CSMD1: variants seen among roughly 807,000 people sequenced by gnomAD.
CSMD1 encodes the protein CUB and Sushi multiple domains 1, also known as CUB and sushi domain-containing protein 1.
In CSMD1, 213 loss-of-function variants were observed where a neutral mutation model predicts 417.5. The ratio of observed to expected loss-of-function variants is 0.51; its 90% confidence interval spans 0.46 to 0.57. CSMD1 has a LOEUF of 0.57. Among genes scored for constraint, CSMD1 ranks in the 20% least tolerant of loss-of-function variants. The pLI is 0.00. For synonymous variants in CSMD1, 2,862 were observed against 1,736.8 expected, an observed-to-expected ratio of 1.65 and a Z score of -16.11; for missense variants, 6,923 against 4,529.7, an observed-to-expected ratio of 1.53 and a Z score of -15.17.
rs761521736 is a variant in CSMD1, at chr8:4,106,528, A to G, written c.416-74429T>C. 1.1e-4 allele frequency among the ~76,000 whole-genome samples: 16 copies of G among 152,286 alleles called. 1 individual carries two copies. The highest frequency in any genetic ancestry group is 3.4e-3 in the Middle Eastern group (1 of 294). On this transcript the variant is annotated intron_variant, in intron 3 of 69. Transcript: ENST00000635120. ...AAACAGAATGAGAGCCTCCTATGAT[A>G]TTTTAAATTTAAGAGAAGCCACATT...
chr8:3,914,588 A>C (rs1269979266), intron 5 of CSMD1, among the ~76,000 whole-genome samples: 2 of 152,168 alleles, frequency 1.3e-5, no homozygotes, highest in East Asian at 1.9e-4. Context: ...AAATAAAATA[A>C]ATTAAGAAAA....
At chr8:3,685,402 T>G (rs921339327) in intron 7 of CSMD1, among the ~76,000 whole-genome samples, 3 of 152,170 alleles carry the variant, frequency 2.0e-5, no homozygotes, top group African/African-American at 4.8e-5. Context: ...TGCTGCTCAC[T>G]GCACAGAATG....
chr8:4,425,108 C>G lies in CSMD1; in HGVS notation c.303-5043G>C, dbSNP rs547990761. On this transcript the variant is annotated intron_variant, in intron 2 of 69. Transcript: ENST00000635120. ...CATATATATTCGCCTAAGTTAGGTA[C>G]AAAATAATGTGATAGCACTTAATTA... is the stretch of plus-strand genomic sequence containing the variant. Among the ~76,000 whole-genome samples, 15 of 151,910 alleles carry G rather than the reference C, an allele frequency of 9.9e-5. No homozygotes were observed. The East Asian group carries it at 1.2e-3, about 12-fold the overall frequency.
At chr8:4,782,159 T>G (rs950665331) in intron 1 of CSMD1, among the ~76,000 whole-genome samples, 3 of 152,144 alleles carry the variant, frequency 2.0e-5, no homozygotes. Flanking sequence ...GGTACAAAGT[T>G]ACAGTTAGGA....
chr8:4,500,436 A>G (rs1352637739), intron 2 of CSMD1, among the ~76,000 whole-genome samples: 1 of 152,204 alleles, frequency 6.6e-6, no homozygotes, highest in Non-Finnish European at 1.5e-5. Flanking sequence ...ACTTGCGTAG[A>G]TCGTGTAAAC....
chr8:4,832,127 T>C (rs958676437), intron 1 of CSMD1, among the ~76,000 whole-genome samples: 2 of 152,198 alleles, frequency 1.3e-5, no homozygotes, highest in African/African-American at 4.8e-5. Flanking sequence ...TGAACTGGCA[T>C]GTATCTCTGT....
chr8:4,620,666 C>G lies in CSMD1; in HGVS notation c.302+16676G>C. ...AACATGCTTCTTAAAATGCATAGGA[C>G]GAAGATAAAATCATAAGAGAAGTTA... On this transcript the variant is annotated intron_variant, in intron 2 of 69. Coordinates refer to ENST00000635120, the MANE Select transcript of CSMD1 (RefSeq NM_033225.6). Among the ~76,000 whole-genome samples the G allele has an allele frequency of 2.0e-5, 3 of 151,410 alleles. No homozygotes were observed. In the South Asian group the frequency reaches 6.2e-4, roughly 31 times the overall value.
chr8:3,572,200 C>T (rs943394612), intron 10 of CSMD1, among the ~76,000 whole-genome samples: 2 of 152,146 alleles, frequency 1.3e-5, no homozygotes, highest in African/African-American at 4.8e-5. Context: ...CCAGGAAGGG[C>T]GGTGGGAGCC....
chr8:3,268,675 A>G (rs1801616038), intron 26 of CSMD1, among the ~76,000 whole-genome samples: 1 of 152,194 alleles, frequency 6.6e-6, no homozygotes, highest in Admixed American at 6.5e-5. Context: ...ACATGTTTTT[A>G]AAGACATTGT....
chr8:3,415,693 T>C (rs547522684), intron 12 of CSMD1, among the ~76,000 whole-genome samples: 1 of 152,320 alleles, frequency 6.6e-6, no homozygotes, highest in East Asian at 1.9e-4. Context: ...GTGTGTATTA[T>C]ATGTTGTATT....
At chr8:3,342,527 T>C (rs1353719630) in intron 23 of CSMD1, among the ~76,000 whole-genome samples, 1 of 152,248 alleles carries the variant, frequency 6.6e-6, no homozygotes, top group Non-Finnish European at 1.5e-5. Flanking sequence ...CCAAATAGCT[T>C]TTTCTTTTAC....
At chr8:4,616,053 A>G (rs1458841699) in intron 2 of CSMD1, among the ~76,000 whole-genome samples, 1 of 152,186 alleles carries the variant, frequency 6.6e-6, no homozygotes, top group Non-Finnish European at 1.5e-5. Flanking sequence ...GTTCTACCCA[A>G]TAGTCTGGAG....
intron 12 of CSMD1, among the ~76,000 whole-genome samples, chr8:3,435,642 A>C (rs900765628): frequency 6.6e-6 from 1 of 152,064 alleles, no homozygotes; most frequent in African/African-American, 2.4e-5. Context: ...TACATGAGGC[A>C]ACTCCTCTCA....
chr8:3,343,962 G>A (rs1354044519), intron 22 of CSMD1, among the ~76,000 whole-genome samples: 2 of 152,162 alleles, frequency 1.3e-5, no homozygotes, highest in African/African-American at 4.8e-5. Flanking sequence ...CAAGCCTCCG[G>A]TGGCTTTCAT....
At chr8:3,673,258 T>C (rs909614416) in intron 7 of CSMD1, among the ~76,000 whole-genome samples, 2 of 152,214 alleles carry the variant, frequency 1.3e-5, no homozygotes, top group Non-Finnish European at 2.9e-5. Flanking sequence ...ATTGAACACA[T>C]GCTCTTTGTC....
chr8:3,336,503 G>T (rs1807271312), intron 23 of CSMD1, among the ~76,000 whole-genome samples: 1 of 152,200 alleles, frequency 6.6e-6, no homozygotes, highest in Non-Finnish European at 1.5e-5. Context: ...TATTGTCCCT[G>T]CTTCACAGAT....
chr8:4,231,642 C>A (rs1184581901), intron 3 of CSMD1, among the ~76,000 whole-genome samples: 2 of 152,158 alleles, frequency 1.3e-5, no homozygotes, highest in African/African-American at 4.8e-5. Context: ...TTACTGCAGG[C>A]TCTGTCTGAT....
At chr8:4,983,562 G>A (rs981561690) in intron 1 of CSMD1, among the ~76,000 whole-genome samples, 4 of 152,030 alleles carry the variant, frequency 2.6e-5, no homozygotes, top group Admixed American at 6.6e-5. Context: ...CACTCCTGTC[G>A]CCCAGGCTGG....
At chr8:3,563,177 G>C (rs931548321) in intron 10 of CSMD1, among the ~76,000 whole-genome samples, 7 of 151,848 alleles carry the variant, frequency 4.6e-5, no homozygotes, top group African/African-American at 1.7e-4. Context: ...GTGTGACTAC[G>C]TTTTATTTAG....
Sources: gnomAD v4.1 joint callset for allele counts (sites outside exome capture counted in the v4.1 genomes callset) on GRCh38, gnomAD v4.1.1 for gene constraint, MANE v1.5 for transcripts, NCBI Gene and HGNC (gene_info 2026-07-23, HGNC 2026-07-21) for gene names.